The following MORC2 variants were observed in gnomAD, a reference collection of about 807,000 sequenced individuals.
MORC2 encodes the protein ATPase MORC2.
Under a neutral mutation model 136.0 loss-of-function variants are expected in MORC2, and 30 were observed. The observed-to-expected ratio is 0.22, with a 90% CI of 0.17 to 0.30. The LOEUF (loss-of-function observed/expected upper bound fraction) is 0.30, where lower values mean the gene tolerates loss of function less well. MORC2 is among the 10% of genes least tolerant of loss of function. The probability of loss-of-function intolerance (pLI) is 1.00; values close to 1 mark genes in which losing one functional copy is unlikely to be tolerated. For synonymous variants in MORC2, 439 were observed against 487.0 expected (o/e 0.90, Z 1.30); for missense variants, 922 against 1,333.1 (o/e 0.69, Z 4.80).
rs192281672 is a variant in MORC2 at position 30,930,654 on chromosome 22, G to A, written c.2841+1705C>T. On this transcript the variant is annotated intron_variant, in intron 24 of 25. Coordinates refer to ENST00000397641, the MANE Select transcript of MORC2 (RefSeq NM_001303256.3). ...TTTTATCTCTGGCAAACTTTATCAAGCACACAACTGCCCCACGAGGACCCG... is the reference window on the plus strand; with the variant it reads ...TTTTATCTCTGGCAAACTTTATCAAACACACAACTGCCCCACGAGGACCCG... Among the ~76,000 whole-genome samples, 477 of 152,276 alleles carry A rather than the reference G, an allele frequency of 3.1e-3. 1 individual carries two copies. The highest frequency in any genetic ancestry group is 5.0e-3 in the Non-Finnish European group (342 of 68,024).
chr22:30,946,311 G>A lies in MORC2; in HGVS notation c.426+30C>T, dbSNP rs749812431. On this transcript the variant is annotated intron_variant, in intron 6 of 25. Transcript: ENST00000397641. ...TGGGCAGACTCAGGAAATGAGGACT[G>A]GTGATGCAGACCACGATGATGGGAC... The A allele has an allele frequency of 3.2e-6, 5 of 1,556,106 alleles. No individual in the cohort carries two copies. The Admixed American group carries it at 5.2e-5, about 16-fold the overall frequency.
At chr22:30,944,053 C>T (rs1455368023) in intron 6 of MORC2, among the ~76,000 whole-genome samples, 4 of 152,190 alleles carry the variant, frequency 2.6e-5, no homozygotes, top group African/African-American at 9.7e-5. Flanking sequence ...CCACCAGGCC[C>T]GGCCCATTTT....
At chr22:30,950,486 C>G in intron 3 of MORC2, 41 bp from the exon 4 acceptor site, 2 of 1,586,164 alleles carry the variant, frequency 1.3e-6, no homozygotes, top group Non-Finnish European at 1.7e-6. Flanking sequence ...CGTTACCCAC[C>G]ACAGGGTGGC....
chr22:30,928,234 G>A lies in MORC2; in HGVS notation c.2842-27C>T, dbSNP rs201937255. 41 of 1,613,336 alleles carry A rather than the reference G, an allele frequency of 2.5e-5. No individual in the cohort carries two copies. The Admixed American group carries it at 6.8e-4, about 27-fold the overall frequency. On this transcript the variant is annotated intron_variant, in intron 24 of 25. Transcript: ENST00000397641. The stretch of plus-strand genomic sequence containing the variant: ...TGTTGGGAGCAGAGCAAGAGGGAGA[G>A]TGTGTAAGTTCACAGGGGTCCCCAG...
chr22:30,926,949 T>C (rs916534668), intron 25 of MORC2, 78 bp from the exon 26 acceptor site: 29 of 1,263,520 alleles, frequency 2.3e-5, no homozygotes, highest in Non-Finnish European at 3.1e-5. Flanking sequence ...TTCTCTCAGC[T>C]CCTGGGATGG....
chr22:30,949,780 T>C lies in MORC2; in HGVS notation c.289A>G (p.Ile97Val). ...SAKRTPESTQ[I>V]GQYGNGLKSG... ...TTTAACCCATTCCCGTACTGCCCAA[T>C]CTGAGTAGACTCAGGTGTTCGCTTG... is the stretch of plus-strand genomic sequence containing the variant. Residue 97 changes from isoleucine to valine, a missense_variant, in exon 5 of 26, where the codon ATT (isoleucine) becomes GTT (valine). Transcript: ENST00000397641. The C allele has an allele frequency of 6.2e-7, 1 of 1,614,186 alleles. No individual in the cohort carries two copies. The highest frequency in any genetic ancestry group is 1.1e-5 in the South Asian group (1 of 91,078).
At chr22:30,930,746 G>C (rs2040563764) in intron 24 of MORC2, among the ~76,000 whole-genome samples, 1 of 152,056 alleles carries the variant, frequency 6.6e-6, no homozygotes, top group Non-Finnish European at 1.5e-5. Flanking sequence ...CTCTTTCCTA[G>C]AAAACTTAGC....
At chr22:30,930,148 C>T (rs1225154193) in intron 24 of MORC2, among the ~76,000 whole-genome samples, 1 of 152,212 alleles carries the variant, frequency 6.6e-6, no homozygotes, top group Non-Finnish European at 1.5e-5. Flanking sequence ...TGAGCCTCCA[C>T]ACCCAGCCTA....
intron 25 of MORC2, 39 bp downstream of exon 25, chr22:30,927,975 GAGACC>G: frequency 6.2e-7 from 1 of 1,607,936 alleles, no homozygotes; most frequent in African/African-American, 1.3e-5. Flanking sequence ...CCCTCCCTGA[GAGACC>G]AGGTGGTCCA....
chr22:30,934,229 T>C lies in MORC2; in HGVS notation c.2194-38A>G. ...GAGCGTGAGGATGTGAGGGGCCCTG[T>C]TCAGCCTCTAAGGAGCAGGAAGATT... On this transcript the variant is annotated intron_variant, in intron 19 of 25. Transcript: ENST00000397641. This position sits in a 1 kb window ranked among gnomAD's most constrained non-coding sequence, Gnocchi z 4.4. The C allele has an allele frequency of 6.2e-7, 1 of 1,613,604 alleles. No individual in the cohort carries two copies. The highest frequency in any genetic ancestry group is 1.1e-5 in the South Asian group (1 of 91,018).
chr22:30,959,284 G>A (rs1362882488), intron 1 of MORC2, among the ~76,000 whole-genome samples: 1 of 152,124 alleles, frequency 6.6e-6, no homozygotes, highest in Non-Finnish European at 1.5e-5. Flanking sequence ...GTTAACAGGG[G>A]CCCTAGGCAA....
At chr22:30,927,666 A>G (rs1242379007) in intron 25 of MORC2, among the ~76,000 whole-genome samples, 1 of 152,162 alleles carries the variant, frequency 6.6e-6, no homozygotes, top group Non-Finnish European at 1.5e-5. Context: ...CCTCATGCTT[A>G]TTGCCTGGAT....
chr22:30,944,745 C>T (rs575525456), intron 6 of MORC2, among the ~76,000 whole-genome samples: 4 of 152,320 alleles, frequency 2.6e-5, no homozygotes, highest in African/African-American at 9.6e-5. Context: ...GCTTCGCTTT[C>T]GCCTTCTACT....
At chr22:30,950,351 C>G in intron 4 of MORC2, 26 bp downstream of exon 4, 1 of 1,380,296 alleles carries the variant, frequency 7.2e-7, no homozygotes, top group Non-Finnish European at 1.0e-6. Context: ...CCCCCCACCC[C>G]CCAAAACAAT....
In MORC2 at chr22:30,935,233, G is replaced by A; in HGVS notation, c.1812+15C>T. Reference sequence around the variant, plus strand: ...ACACCTGAGGAAAAGCCCTTCCCAGGCCCCTGGACTTCACCTCAGTGGAAG... The same window carrying A: ...ACACCTGAGGAAAAGCCCTTCCCAGACCCCTGGACTTCACCTCAGTGGAAG... On this transcript the variant is annotated intron_variant, in intron 18 of 25. Coordinates refer to ENST00000397641, the MANE Select transcript of MORC2 (RefSeq NM_001303256.3). 3 of 1,613,028 alleles carry A rather than the reference G, an allele frequency of 1.9e-6. No individual in the cohort carries two copies. The highest frequency in any genetic ancestry group is 1.7e-5 in the Admixed American group (1 of 59,822).
At chr22:30,952,908 T>C (rs1311792005) in intron 3 of MORC2, among the ~76,000 whole-genome samples, 2 of 152,214 alleles carry the variant, frequency 1.3e-5, no homozygotes, top group African/African-American at 2.4e-5. Context: ...CTTAGAAAAG[T>C]ATTGGCTAGA....
At chr22:30,936,161 T>A (rs2040648849) in intron 17 of MORC2, among the ~76,000 whole-genome samples, 1 of 152,230 alleles carries the variant, frequency 6.6e-6, no homozygotes, top group Non-Finnish European at 1.5e-5. Context: ...GTGTGTTATG[T>A]GTAGGTATTC....
chr22:30,967,303 T>C lies in MORC2; in HGVS notation c.68+519A>G, dbSNP rs1253043211. The C allele has an allele frequency of 4.1e-6, 4 of 987,248 alleles. No homozygotes were observed. The African/African-American group carries it at 7.0e-5, about 17-fold the overall frequency. The allele number at this position is 987,248 out of a possible 1,614,324, so 61.2% of individuals were successfully genotyped here. A position where few individuals can be genotyped will look rare whatever the true frequency, so the allele number is the denominator to read the frequency against. On this transcript the variant is annotated intron_variant, in intron 1 of 25. Transcript: ENST00000397641. ...AAGTTGCCGTTTCCTGTTTAGCATATACAAATAATATTGGATGTGAGCAAT... is the reference window on the plus strand; with the variant it reads ...AAGTTGCCGTTTCCTGTTTAGCATACACAAATAATATTGGATGTGAGCAAT...
chr22:30,946,646 T>C (rs1244180272), intron 5 of MORC2, among the ~76,000 whole-genome samples, 197 bp from the exon 6 acceptor site: 2 of 151,630 alleles, frequency 1.3e-5, no homozygotes, highest in Non-Finnish European at 2.9e-5. Flanking sequence ...CCTCTGCTTT[T>C]CCACAGGCCT....
Sources: gnomAD v4.1 joint callset for allele counts (sites outside exome capture counted in the v4.1 genomes callset) on GRCh38, gnomAD v4.1.1 for gene constraint, Gnocchi (gnomAD v3.1) non-coding constraint, MANE v1.5 for transcripts, NCBI Gene and HGNC (gene_info 2026-07-23, HGNC 2026-07-21) for gene names.